The following MTMR8 variants were observed in gnomAD, a reference collection of about 807,000 sequenced individuals.
MTMR8 encodes phosphatidylinositol-3,5-bisphosphate 3-phosphatase MTMR8.
A neutral mutation model predicts 39.3 loss-of-function variants in MTMR8; 65 were observed. That is an observed-to-expected ratio of 1.65 (90% CI 1.35 to 2.03). The LOEUF (loss-of-function observed/expected upper bound fraction) is 2.03. Among genes scored for constraint, MTMR8 ranks in the 30% most tolerant of loss-of-function variants. The pLI is 0.00. For synonymous variants in MTMR8, 245 were observed against 185.2 expected (o/e 1.32, Z -2.62); for missense variants, 777 against 538.9 (o/e 1.44, Z -4.37).
chrX:64,345,015 G>A (rs189738413), intron 7 of MTMR8, 30 bp downstream of exon 7: 60 of 1,197,854 alleles, frequency 5.0e-5, no homozygotes, highest in African/African-American at 1.2e-4. Context: ...AGCTATGGCC[G>A]CTTGCCTAGC....
At chrX:64,275,648 C>CA (rs60193863) in intron 12 of MTMR8, among the ~76,000 whole-genome samples, 705 of 40,399 alleles carry the variant, frequency 0.017, 11 homozygotes, top group East Asian at 0.06. Flanking sequence ...GAGTCTCTCT[C>CA]AAAAAAAAAA....
Position 64,395,393 on chromosome X carries a change from A to C in MTMR8, c.-30T>G, listed in dbSNP as rs772618114. On this transcript the variant is annotated 5_prime_UTR_variant, in exon 1 of 14. Transcript: ENST00000374852. ...GCAGTTCCCGCCACCGGAAGATCTC[A>C]GTGCTACTCCAGATGCCGCCGCCAC... 1.7e-5 allele frequency: 20 copies of C among 1,201,080 alleles called. No homozygotes were observed. The highest frequency in any genetic ancestry group is 7.1e-5 in the South Asian group (4 of 56,517).
At chrX:64,374,016 G>C (rs1314415589) in intron 1 of MTMR8, among the ~76,000 whole-genome samples, 11 of 111,886 alleles carry the variant, frequency 9.8e-5, no homozygotes, top group Non-Finnish European at 1.5e-4. Context: ...ACTAAAGCTA[G>C]ATTTAATTCA....
chrX:64,372,770 G>A (rs961914821), intron 1 of MTMR8, among the ~76,000 whole-genome samples: 2 of 111,945 alleles, frequency 1.8e-5, no homozygotes, highest in African/African-American at 6.5e-5. Flanking sequence ...GGGCTATTAT[G>A]AATAAAGCTG....
chrX:64,312,477 G>A (rs756483799), intron 12 of MTMR8, among the ~76,000 whole-genome samples: 7 of 112,128 alleles, frequency 6.2e-5, no homozygotes, highest in Admixed American at 1.9e-4. Context: ...GTTCTGGCCA[G>A]GGCAATCAGG....
chrX:64,375,732 C>T (rs1204852389), intron 1 of MTMR8, among the ~76,000 whole-genome samples: 2 of 111,785 alleles, frequency 1.8e-5, no homozygotes, highest in African/African-American at 3.3e-5. Flanking sequence ...TCTCCAGATA[C>T]CAAATCTGCA....
At chrX:64,322,430 G>T (rs1922676662) in intron 12 of MTMR8, among the ~76,000 whole-genome samples, 1 of 111,804 alleles carries the variant, frequency 8.9e-6, no homozygotes, top group African/African-American at 3.3e-5. Flanking sequence ...GAATGAGTTT[G>T]GATGTATTGT....
At chrX:64,324,100 T>C (rs765723101) in intron 12 of MTMR8, among the ~76,000 whole-genome samples, 5 of 112,825 alleles carry the variant, frequency 4.4e-5, no homozygotes, top group Non-Finnish European at 9.4e-5. Context: ...CAGTAGCTTA[T>C]GCCTATAATC....
chrX:64,369,694 C>A (rs993692649), intron 1 of MTMR8, among the ~76,000 whole-genome samples: 1 of 111,041 alleles, frequency 9.0e-6, no homozygotes, highest in East Asian at 2.8e-4. Flanking sequence ...AGCAAACCAA[C>A]ATGGCACATG....
chrX:64,270,898 C>A (rs776229287), intron 13 of MTMR8, 49 bp downstream of exon 13: 132 of 1,183,348 alleles, frequency 1.1e-4, no homozygotes, highest in East Asian at 2.1e-4. Flanking sequence ...GCAGGCTGGA[C>A]CTACCCAGAA....
Position 64,359,485 on chromosome X carries a change from G to A in MTMR8, c.67C>T (p.Pro23Ser), listed in dbSNP as rs1296788913. ...GTAAGATAAAGAATCCCATTAGCTG[G>A]TTTCTTACTCACATAACGATCCACC... The part of the protein sequence containing the change: ...KLVDRYVSKK[P>S]ANGILYLTAT... The change falls in exon 2 of 14, where the codon CCA becomes TCA. Residue 23 changes from proline to serine, a missense_variant. By Grantham distance (74) the Pro-to-Ser change is moderately conservative. Coordinates refer to ENST00000374852, the MANE Select transcript of MTMR8 (RefSeq NM_017677.4). 5.0e-6 allele frequency: 6 copies of A among 1,206,494 alleles called. No individual in the cohort carries two copies. The highest frequency in any genetic ancestry group is 1.7e-5 in the African/African-American group (1 of 57,520).
At chrX:64,271,653 C>T (rs1372067075) in intron 12 of MTMR8, among the ~76,000 whole-genome samples, 2 of 112,677 alleles carry the variant, frequency 1.8e-5, no homozygotes, top group Non-Finnish European at 3.7e-5. Flanking sequence ...CAGCTTCTAT[C>T]TCAGAATGGA....
intron 12 of MTMR8, chrX:64,306,223 G>T: frequency 3.0e-6 from 1 of 334,647 alleles, no homozygotes; most frequent in Non-Finnish European, 6.0e-6. Flanking sequence ...CACACTGCTT[G>T]CTCACAAACA....
chrX:64,382,502 G>T (rs972794729), intron 1 of MTMR8, among the ~76,000 whole-genome samples: 2 of 111,229 alleles, frequency 1.8e-5, no homozygotes, highest in Non-Finnish European at 3.8e-5. Context: ...GGAGATTTTG[G>T]GCTGATATGA....
intron 12 of MTMR8, among the ~76,000 whole-genome samples, chrX:64,314,710 C>A (rs1922413388): frequency 8.9e-6 from 1 of 112,456 alleles, no homozygotes; most frequent in Non-Finnish European, 1.9e-5. Context: ...AAGATTGGCC[C>A]CACGTACACA....
chrX:64,284,353 G>A (rs1403547982), intron 12 of MTMR8, among the ~76,000 whole-genome samples: 3 of 112,193 alleles, frequency 2.7e-5, no homozygotes, highest in Non-Finnish European at 5.6e-5. Context: ...TCTGATTGGT[G>A]TACCTGACAG....
intron 12 of MTMR8, among the ~76,000 whole-genome samples, chrX:64,292,393 C>T (rs1241641032): frequency 9.0e-6 from 1 of 111,389 alleles, no homozygotes; most frequent in Admixed American, 9.6e-5. Flanking sequence ...TCAAGGGATG[C>T]TCCAAACCAT....
intron 4 of MTMR8, among the ~76,000 whole-genome samples, chrX:64,353,986 A>G (rs1386284475): frequency 2.7e-5 from 3 of 111,151 alleles, no homozygotes; most frequent in African/African-American, 9.8e-5. Context: ...TCAGTCACAA[A>G]AAAATGTAAT....
intron 12 of MTMR8, among the ~76,000 whole-genome samples, chrX:64,328,103 T>C (rs752291521): frequency 8.9e-6 from 1 of 111,792 alleles, no homozygotes; most frequent in Non-Finnish European, 1.9e-5. Flanking sequence ...CTAACATCAA[T>C]ACTCAATAGT....
Sources: allele counts gnomAD v4.1 joint callset (sites outside exome capture counted in the v4.1 genomes callset), GRCh38; gene constraint gnomAD v4.1.1; transcripts MANE v1.5; gene names NCBI Gene and HGNC (gene_info 2026-07-23, HGNC 2026-07-21).